The following RNF38 variants were observed in gnomAD, a reference collection of about 807,000 sequenced individuals.
The protein encoded by RNF38 is E3 ubiquitin-protein ligase RNF38.
In RNF38, 15 loss-of-function variants were observed where a neutral mutation model predicts 67.2. That is an observed-to-expected ratio of 0.22 (90% CI 0.15 to 0.34). The LOEUF is 0.34. Ranked by LOEUF, RNF38 falls within the 10% of genes least tolerant of loss-of-function variation. RNF38 has a pLI of 1.00. For missense variants in RNF38, 524 were observed against 639.9 expected (o/e 0.82, Z 1.95); for synonymous variants, 220 against 218.8 (o/e 1.01, Z -0.05).
chr9:36,478,443 A>G (rs1840175511), intron 1 of RNF38, among the ~76,000 whole-genome samples: 1 of 149,994 alleles, frequency 6.7e-6, no homozygotes, highest in African/African-American at 2.5e-5. Flanking sequence ...TATTAAGCAT[A>G]CATCCCCAGA....
chr9:36,342,281 T>C (rs773093837), intron 11 of RNF38, 44 bp downstream of exon 11: 11 of 1,360,188 alleles, frequency 8.1e-6, no homozygotes, highest in South Asian at 1.2e-5. Context: ...GTCAATAAAA[T>C]AGAAAATTCA....
chr9:36,372,923 GAGCCGGGTGC>G (rs1375648883), intron 3 of RNF38, among the ~76,000 whole-genome samples: 9 of 152,014 alleles, frequency 5.9e-5, no homozygotes, highest in Non-Finnish European at 7.4e-5. Context: ...ATAATACTAA[GAGCCGGGTGC>G]AGTGGCTCAT....
At chr9:36,481,536 T>C (rs751601955) in intron 1 of RNF38, among the ~76,000 whole-genome samples, 8 of 152,214 alleles carry the variant, frequency 5.3e-5, no homozygotes, top group Non-Finnish European at 1.0e-4. Flanking sequence ...ACCACTTTTG[T>C]TAAACATCTT....
At chr9:36,397,104 G>GC (rs1165489594) in intron 1 of RNF38, among the ~76,000 whole-genome samples, 1 of 135,282 alleles carries the variant, frequency 7.4e-6, no homozygotes, top group Non-Finnish European at 1.6e-5. Context: ...TATATGTTTT[G>GC]TTTTTTTTTT....
chr9:36,410,776 A>C (rs943158382), intron 2 of RNF38, among the ~76,000 whole-genome samples: 3 of 152,238 alleles, frequency 2.0e-5, no homozygotes, highest in Non-Finnish European at 2.9e-5. Flanking sequence ...ATATAAAAAC[A>C]ATCCTATTAG....
chr9:36,480,654 C>G (rs1346544155), intron 1 of RNF38, among the ~76,000 whole-genome samples: 1 of 147,462 alleles, frequency 6.8e-6, no homozygotes, highest in South Asian at 2.1e-4. Context: ...CAGGCTCAAG[C>G]GATTCTCGTG....
At chr9:36,384,336 C>A (rs1218695312) in intron 2 of RNF38, among the ~76,000 whole-genome samples, 1 of 152,208 alleles carries the variant, frequency 6.6e-6, no homozygotes, top group East Asian at 1.9e-4. Flanking sequence ...GTTCTGTAAA[C>A]AGCTGAAGCT....
At chr9:36,441,474 G>A (rs747074831) in intron 1 of RNF38, among the ~76,000 whole-genome samples, 16 of 151,892 alleles carry the variant, frequency 1.1e-4, no homozygotes, top group East Asian at 3.9e-4. Flanking sequence ...TTACAGGCAC[G>A]CGCCACCATG....
intron 2 of RNF38, among the ~76,000 whole-genome samples, chr9:36,389,831 G>C (rs940546211): frequency 2.0e-5 from 3 of 152,114 alleles, no homozygotes; most frequent in Non-Finnish European, 4.4e-5. Flanking sequence ...CCTAACTTTT[G>C]TGGTAACAGC....
chr9:36,448,679 A>T (rs1172298440), intron 1 of RNF38, among the ~76,000 whole-genome samples: 1 of 152,044 alleles, frequency 6.6e-6, no homozygotes, highest in Non-Finnish European at 1.5e-5. Flanking sequence ...CCACCCCCAG[A>T]TAAGTTCTAA....
chr9:36,412,628 A>G (rs977722296), intron 2 of RNF38, among the ~76,000 whole-genome samples: 4 of 152,182 alleles, frequency 2.6e-5, no homozygotes, highest in African/African-American at 7.2e-5. Flanking sequence ...AGTCCACGAA[A>G]GATCTGGTTG....
intron 1 of RNF38, chr9:36,487,180 G>C (rs931935620): frequency 6.5e-6 from 4 of 613,272 alleles, no homozygotes; most frequent in South Asian, 7.1e-5. Context: ...TCCGGGGCCG[G>C]ACAAAGCTGA....
chr9:36,374,158 T>C (rs552728642), intron 3 of RNF38, among the ~76,000 whole-genome samples: 256 of 152,332 alleles, frequency 1.7e-3, no homozygotes, highest in African/African-American at 6.1e-3. Flanking sequence ...AACATTCCCA[T>C]GTAATTGGTT....
At chr9:36,479,591 C>T (rs984829588) in intron 1 of RNF38, among the ~76,000 whole-genome samples, 4 of 152,142 alleles carry the variant, frequency 2.6e-5, no homozygotes, top group Non-Finnish European at 5.9e-5. Context: ...TTGCACCCCT[C>T]TATGCGATTC....
At chr9:36,350,990 T>TA in intron 9 of RNF38, 125 bp downstream of exon 9, 1 of 697,524 alleles carries the variant, frequency 1.4e-6, no homozygotes, top group Non-Finnish European at 2.5e-6. Flanking sequence ...CCCAACACAG[T>TA]AATTCTTCTT....
rs1322447149 is a variant in RNF38 at position 36,353,415 on chromosome 9, C to CAAATTTAAAATCCCA, written c.910-99_910-85dup. The CAAATTTAAAATCCCA allele has an allele frequency of 3.9e-6, 4 of 1,012,764 alleles. No individual in the cohort carries two copies. In the East Asian group the frequency reaches 1.2e-4, roughly 30 times the overall value. 62.7% of individuals were successfully genotyped at this position (1,012,764 alleles called of 1,614,324 possible). On this transcript the variant is annotated intron_variant, in intron 6 of 11. Coordinates refer to ENST00000259605, the MANE Select transcript of RNF38 (RefSeq NM_022781.5). ...GATAGATTATGCTTTATAATAATCA[C>CAAATTTAAAATCCCA]AAATTTAAAATCCCAAAATGTCTTT...
chr9:36,424,100 T>C (rs1299428315), intron 2 of RNF38, among the ~76,000 whole-genome samples: 3 of 152,230 alleles, frequency 2.0e-5, no homozygotes, highest in Non-Finnish European at 4.4e-5. Flanking sequence ...CAAAGTAGAC[T>C]TCTTGTGTAT....
intron 1 of RNF38, among the ~76,000 whole-genome samples, chr9:36,473,619 G>GTGTACCACTCTGA (rs561569484): frequency 6.6e-6 from 1 of 151,912 alleles, no homozygotes; most frequent in Non-Finnish European, 1.5e-5. Context: ...AAATAAATAA[G>GTGTACCACTCTGA]TGTACCACTC....
Position 36,337,188 on chromosome 9 carries a change from C to T in RNF38, c.*2564G>A, listed in dbSNP as rs189852175. On this transcript the variant is annotated 3_prime_UTR_variant, in exon 12 of 12. Transcript: ENST00000259605. ...ACAAATAAACTTCTCTTTTGCTAGC[C>T]ACAGAGTTGCTCACTGTGGCAAGCC... is the stretch of plus-strand genomic sequence containing the variant. 1 of 152,340 alleles carries T rather than the reference C, an allele frequency of 6.6e-6. No individual in the cohort carries two copies. Among genetic ancestry groups the T allele is most frequent in the African/African-American group, 2.4e-5 (1 of 41,570 alleles). The allele number at this position is 152,340 out of a possible 1,614,324, so 9.4% of individuals were successfully genotyped here. A position where few individuals can be genotyped will look rare whatever the true frequency, so the allele number is the denominator to read the frequency against.
Sources: gnomAD v4.1 joint callset for allele counts (sites outside exome capture counted in the v4.1 genomes callset) on GRCh38, gnomAD v4.1.1 for gene constraint, MANE v1.5 for transcripts, NCBI Gene and HGNC (gene_info 2026-07-23, HGNC 2026-07-21) for gene names.